The following ACYP2 variants were observed in gnomAD, a reference collection of about 807,000 sequenced individuals.
ACYP2 encodes acylphosphatase-2.
ACYP2 carries 12 observed loss-of-function variants against 11.2 expected under a neutral mutation model. The ratio of observed to expected loss-of-function variants is 1.08; its 90% CI spans 0.69 to 1.74. The LOEUF (loss-of-function observed/expected upper bound fraction) is 1.74. ACYP2 is among the 40% of genes most tolerant of loss of function. ACYP2 has a pLI of 0.00. For missense variants in ACYP2, 134 were observed against 101.9 expected (o/e 1.31, Z -1.35); for synonymous variants, 43 against 32.2 (o/e 1.33, Z -1.13).
chr2:54,255,655 G>A (rs768660841), intron 6 of ACYP2: 3 of 1,613,620 alleles, frequency 1.9e-6, no homozygotes, highest in Non-Finnish European at 2.5e-6. Context: ...TTCGCCTCCT[G>A]GCTTCTCATC....
chr2:54,167,470 C>T (rs1037064006), intron 6 of ACYP2, among the ~76,000 whole-genome samples: 9 of 152,226 alleles, frequency 5.9e-5, no homozygotes, highest in Non-Finnish European at 1.2e-4. Context: ...TAGCGTAATA[C>T]CCACATTTAG....
chr2:54,083,318 G>A (rs1167055836), intron 4 of ACYP2, among the ~76,000 whole-genome samples: 1 of 152,150 alleles, frequency 6.6e-6, no homozygotes, highest in Non-Finnish European at 1.5e-5. Flanking sequence ...CCACAGCAAT[G>A]GCAAGCCATG....
At chr2:54,153,035 A>G (rs1034245777) in intron 6 of ACYP2, among the ~76,000 whole-genome samples, 4 of 152,174 alleles carry the variant, frequency 2.6e-5, no homozygotes, top group Non-Finnish European at 4.4e-5. Context: ...AATTATAATC[A>G]TATATAATTA....
intron 2 of ACYP2, among the ~76,000 whole-genome samples, chr2:54,043,817 C>G (rs1008517404): frequency 1.1e-4 from 17 of 152,142 alleles, no homozygotes; most frequent in Non-Finnish European, 1.5e-4. Flanking sequence ...ACATCAACCC[C>G]TGCAGTCCAC....
At chr2:54,246,497 GTAGA>G (rs544152426) in intron 6 of ACYP2, among the ~76,000 whole-genome samples, 185 of 151,998 alleles carry the variant, frequency 1.2e-3, no homozygotes, top group African/African-American at 4.2e-3. Flanking sequence ...TGTTGCTATT[GTAGA>G]TAGTCTTCCC....
intron 6 of ACYP2, among the ~76,000 whole-genome samples, chr2:54,201,656 TTCTTTCTTTCTTTCTTTCTTTCTTTCTC>T (rs1558608971): frequency 2.8e-3 from 284 of 102,528 alleles, no homozygotes; most frequent in African/African-American, 0.01. Flanking sequence ...CTTTCTTTCT[TTCTTTCTTTCTTTCTTTCTTTCTTTCTC>T]TCTCTCTCTC....
At chr2:54,046,972 A>G (rs1364575996) in intron 2 of ACYP2, among the ~76,000 whole-genome samples, 2 of 152,188 alleles carry the variant, frequency 1.3e-5, no homozygotes, top group African/African-American at 4.8e-5. Context: ...AGGGACCATG[A>G]TAGTGTCTAC....
At chr2:54,172,591 T>C (rs1037038270) in intron 6 of ACYP2, among the ~76,000 whole-genome samples, 1 of 152,148 alleles carries the variant, frequency 6.6e-6, no homozygotes, top group African/African-American at 2.4e-5. Flanking sequence ...ACTCTACTAA[T>C]CTCTTTTTTC....
chr2:54,105,622 G>A (rs1040327546), intron 4 of ACYP2, among the ~76,000 whole-genome samples: 5 of 151,662 alleles, frequency 3.3e-5, no homozygotes, highest in Admixed American at 2.0e-4. Flanking sequence ...GCAGCCTCCC[G>A]AGTAGCTGGA....
intron 6 of ACYP2, among the ~76,000 whole-genome samples, chr2:54,159,010 C>G (rs966675177): frequency 2.0e-5 from 3 of 151,944 alleles, no homozygotes; most frequent in African/African-American, 7.3e-5. Flanking sequence ...TTGTAACTCT[C>G]TATATATACA....
intron 6 of ACYP2, among the ~76,000 whole-genome samples, chr2:54,140,959 G>T (rs1356847384): frequency 6.6e-6 from 1 of 152,130 alleles, no homozygotes; most frequent in East Asian, 1.9e-4. Flanking sequence ...TCCTCATCCT[G>T]TCAGCAATTG....
chr2:54,270,601 G>A (rs843738), intron 6 of ACYP2, among the ~76,000 whole-genome samples: 78,643 of 151,832 alleles, frequency 0.52, 21,066 homozygotes, highest in Admixed American at 0.66. Flanking sequence ...AGCGAGATAT[G>A]TCTCAAAATT....
At chr2:54,015,003 T>G (rs1211944866) in intron 2 of ACYP2, among the ~76,000 whole-genome samples, 3 of 152,218 alleles carry the variant, frequency 2.0e-5, no homozygotes, top group African/African-American at 7.2e-5. Flanking sequence ...GACAATATCC[T>G]AATCTTTGGC....
intron 6 of ACYP2, among the ~76,000 whole-genome samples, chr2:54,140,917 A>C (rs183070660): frequency 3.6e-4 from 55 of 152,342 alleles, no homozygotes; most frequent in Non-Finnish European, 6.9e-4. Flanking sequence ...ACTGCTTTAC[A>C]AAACAGCTGT....
intron 4 of ACYP2, among the ~76,000 whole-genome samples, chr2:54,079,464 A>G (rs1175206868): frequency 1.3e-5 from 2 of 152,166 alleles, no homozygotes; most frequent in Non-Finnish European, 2.9e-5. Context: ...ACAATGAGAA[A>G]CCAGCTGTCC....
chr2:54,112,427 G>C (rs1046131716), intron 4 of ACYP2, among the ~76,000 whole-genome samples: 2 of 150,056 alleles, frequency 1.3e-5, no homozygotes, highest in South Asian at 4.2e-4. Flanking sequence ...AATTGGCACA[G>C]CCCTTCGAAA....
chr2:54,268,701 T>C (rs1688145719), intron 6 of ACYP2, among the ~76,000 whole-genome samples: 1 of 151,446 alleles, frequency 6.6e-6, no homozygotes, highest in Admixed American at 6.6e-5. Flanking sequence ...TCCCAGCTAC[T>C]TGGGAGGCTG....
rs1217728942 is a variant in ACYP2 at position 54,210,579 on chromosome 2, T to G, written c.404+71831T>G. Reference sequence around the variant, plus strand: ...AGAAAGATGTTGCCACAAGTCTAGTTCTATGGTTCATCTGTTTCTGTATTT... The same window carrying G: ...AGAAAGATGTTGCCACAAGTCTAGTGCTATGGTTCATCTGTTTCTGTATTT... On this transcript the variant is annotated intron_variant, in intron 6 of 6. Transcript: ENST00000607452. Among the ~76,000 whole-genome samples, 5 of 152,218 alleles carry G rather than the reference T, an allele frequency of 3.3e-5. 1 individual carries two copies. In the East Asian group the frequency reaches 9.6e-4, roughly 29 times the overall value.
intron 2 of ACYP2, among the ~76,000 whole-genome samples, chr2:54,044,449 A>C (rs1675408849): frequency 6.6e-6 from 1 of 151,138 alleles, no homozygotes; most frequent in Non-Finnish European, 1.5e-5. Flanking sequence ...ACCAAAAGAA[A>C]AAAAAAAAAA....
Sources: gnomAD v4.1 joint callset for allele counts (sites outside exome capture counted in the v4.1 genomes callset) on GRCh38, gnomAD v4.1.1 for gene constraint, MANE v1.5 for transcripts, NCBI Gene and HGNC (gene_info 2026-07-23, HGNC 2026-07-21) for gene names.